The following SUPT7L variants were observed in gnomAD, a reference collection of about 807,000 sequenced individuals.
The protein encoded by SUPT7L is SPT7 like, STAGA complex subunit gamma.
A neutral mutation model predicts 35.7 loss-of-function variants in SUPT7L; 15 were observed. The ratio of observed to expected loss-of-function variants is 0.42; its 90% confidence interval spans 0.28 to 0.65. The LOEUF is 0.65. SUPT7L is among the 30% of genes least tolerant of loss of function. SUPT7L has a pLI of 0.23. For missense variants in SUPT7L, 434 were observed against 522.2 expected (o/e 0.83, Z 1.65); for synonymous variants, 168 against 186.2 (o/e 0.90, Z 0.79).
chr2:27,654,807 T>C (rs6749419), intron 5 of SUPT7L, among the ~76,000 whole-genome samples: 82,621 of 151,950 alleles, frequency 0.54, 23,288 homozygotes, highest in African/African-American at 0.61. Flanking sequence ...ACCTCGTGAT[T>C]CGCCCGCCTC....
the SUPT7L span, among the ~76,000 whole-genome samples, chr2:27,644,522 T>G: frequency 1.3e-5 from 2 of 152,160 alleles, no homozygotes; most frequent in African/African-American, 4.8e-5. Context: ...TATATACCTA[T>G]GTTAAAGAGG....
At chr2:27,643,062 C>T in the SUPT7L span, among the ~76,000 whole-genome samples, 1,387 of 150,902 alleles carry the variant, frequency 9.2e-3, 17 homozygotes, top group African/African-American at 0.032. The surrounding 1 kb of genome is among the most constrained non-coding windows in gnomAD (Gnocchi z 4.0). Flanking sequence ...TTATATACAG[C>T]TCTACCACTT....
intron 3 of SUPT7L, among the ~76,000 whole-genome samples, chr2:27,659,235 G>C (rs1049915295): frequency 1.3e-5 from 2 of 152,168 alleles, no homozygotes; most frequent in Non-Finnish European, 1.5e-5. Context: ...AATGGACCTT[G>C]ATATAATCTG....
In SUPT7L at chr2:27,657,523, T is replaced by C; in HGVS notation, c.566A>G (p.Tyr189Cys). 6.2e-7 allele frequency: 1 copy of C among 1,614,236 alleles called. No homozygotes were observed. Among genetic ancestry groups the C allele is most frequent in the East Asian group, 2.2e-5 (1 of 44,888 alleles). ...LETLTDVAHE[Y>C]CLKFTKLLRF... ...CAGCAACTTGGTAAACTTAAGGCAA[T>C]ACTCATGTGCCACATCAGTTAGGGT... The change falls in exon 4 of 6, where the codon TAT becomes TGT. Residue 189 changes from tyrosine to cysteine, a missense_variant. Around this residue, in one of 3 missense-constraint regions of SUPT7L, gnomAD observed 198 missense variants for 190.8 expected, o/e 1.04. Transcript: ENST00000337768. The surrounding 1 kb of genome is among the most constrained non-coding windows in gnomAD (Gnocchi z 5.2).
chr2:27,653,494 C>T lies in SUPT7L; in HGVS notation c.1236G>A (p.Arg412=). Residue 412 remains arginine, a synonymous_variant, in exon 6 of 6, where the codon AGG becomes AGA. Transcript: ENST00000337768. ...VFNQRCKKRM[R]KI is the part of the protein sequence containing the mutation. Reference sequence around the variant, plus strand: ...TCTCCCTCTTTTCCTTTTATATTTTCCTCATCCTCTTCTTGCAGCGCTGGT... The same window carrying T: ...TCTCCCTCTTTTCCTTTTATATTTTTCTCATCCTCTTCTTGCAGCGCTGGT... 1.2e-5 allele frequency: 20 copies of T among 1,613,748 alleles called. No homozygotes were observed. The highest frequency in any genetic ancestry group is 1.7e-5 in the Non-Finnish European group (20 of 1,179,858).
In SUPT7L at chr2:27,653,298, C is replaced by CT; in HGVS notation, c.*186dup. The CT allele has an allele frequency of 1.3e-6, 1 of 787,316 alleles. No individual in the cohort carries two copies. Among genetic ancestry groups the CT allele is most frequent in the Non-Finnish European group, 2.0e-6 (1 of 512,582 alleles). The allele number at this position is 787,316 out of a possible 1,614,324, so 48.8% of individuals were successfully genotyped here. On this transcript the variant is annotated 3_prime_UTR_variant, in exon 6 of 6. Coordinates refer to ENST00000337768, the MANE Select transcript of SUPT7L (RefSeq NM_014860.3). ...TGAAGGGTGGCTTGGTTGTGGAAAA[C>CT]TATAAAAACTGGATGCAAAAGTAAA...
At chr2:27,645,856 A>G (rs761675638), downstream of SUPT7L, among the ~76,000 whole-genome samples, 1 of 148,718 alleles carries the variant, frequency 6.7e-6, no homozygotes, top group Non-Finnish European at 1.5e-5. Context: ...CAGCCTCCCA[A>G]GTAGCTGGAA....
rs745497834 is a variant in SUPT7L, at chr2:27,651,236, G to C, written c.*2249C>G. On this transcript the variant is annotated 3_prime_UTR_variant, in exon 6 of 6. Transcript: ENST00000337768. ...TCCAACTTAGTGGTTCTCACATTGT[G>C]GACCAGGAGCATCAGCATCATCTGG... is the stretch of plus-strand genomic sequence containing the variant. 1.3e-5 allele frequency: 2 copies of C among 152,222 alleles called. No homozygotes were observed. The highest frequency in any genetic ancestry group is 2.9e-5 in the Non-Finnish European group (2 of 68,066). The allele number at this position is 152,222 out of a possible 1,614,324, so 9.4% of individuals were successfully genotyped here. A position where few individuals can be genotyped will look rare whatever the true frequency, so the allele number is the denominator to read the frequency against.
the SUPT7L span, among the ~76,000 whole-genome samples, chr2:27,645,363 A>T: frequency 6.6e-6 from 1 of 152,116 alleles, no homozygotes; most frequent in Non-Finnish European, 1.5e-5. Context: ...TTATGTTTCA[A>T]TATCTGCTAG....
intron 3 of SUPT7L, among the ~76,000 whole-genome samples, chr2:27,660,509 C>T (rs895447603): frequency 6.6e-6 from 1 of 152,164 alleles, no homozygotes; most frequent in East Asian, 1.9e-4. Context: ...CAGGCATGAA[C>T]CACTGTGCTC....
intron 4 of SUPT7L, among the ~76,000 whole-genome samples, chr2:27,656,659 G>T (rs1674817788): frequency 1.3e-5 from 2 of 151,090 alleles, no homozygotes; most frequent in South Asian, 4.2e-4. Flanking sequence ...TTCAGACAGG[G>T]TCTTGCTCTG....
intron 3 of SUPT7L, among the ~76,000 whole-genome samples, chr2:27,658,139 TC>T (rs1674889783): frequency 6.6e-6 from 1 of 152,214 alleles, no homozygotes; most frequent in African/African-American, 2.4e-5. Context: ...AGTTTAAGAT[TC>T]TTAGATTCTT....
rs146448081 is a variant in SUPT7L, at chr2:27,655,331, C to G, written c.982+34G>C. On this transcript the variant is annotated intron_variant, in intron 5 of 5. Coordinates refer to ENST00000337768, the MANE Select transcript of SUPT7L (RefSeq NM_014860.3). ...AAAAGTACTGAAATTGGCAGATCTCCCAGAATCAAAGTGAGTAAGTTTATT... is the reference window on the plus strand; with the variant it reads ...AAAAGTACTGAAATTGGCAGATCTCGCAGAATCAAAGTGAGTAAGTTTATT... The G allele has an allele frequency of 3.2e-4, 483 of 1,499,946 alleles. No individual in the cohort carries two copies. The African/African-American group carries it at 5.9e-3, about 18-fold the overall frequency. 92.9% of individuals were successfully genotyped at this position (1,499,946 alleles called of 1,614,324 possible).
rs1333940883 is a variant in SUPT7L at position 27,653,813 on chromosome 2, T to C, written c.983-66A>G. 3 of 1,587,492 alleles carry C rather than the reference T, an allele frequency of 1.9e-6. No individual in the cohort carries two copies. The African/African-American group carries it at 4.0e-5, about 21-fold the overall frequency. The stretch of plus-strand genomic sequence containing the variant: ...GTGTAGCCAAGTGTAGAACAAAGAG[T>C]AAATATATCACTCAGAACCAACTAA... On this transcript the variant is annotated intron_variant, in intron 5 of 5. Transcript: ENST00000337768.
Position 27,651,094 on chromosome 2 carries a change from G to T in SUPT7L, c.*2391C>A, listed in dbSNP as rs999471251. 1 of 152,324 alleles carries T rather than the reference G, an allele frequency of 6.6e-6. No homozygotes were observed. The highest frequency in any genetic ancestry group is 2.4e-5 in the African/African-American group (1 of 41,434). The allele number at this position is 152,324 out of a possible 1,614,324, so 9.4% of individuals were successfully genotyped here. A position where few individuals can be genotyped will look rare whatever the true frequency, so the allele number is the denominator to read the frequency against. On this transcript the variant is annotated 3_prime_UTR_variant, in exon 6 of 6. Transcript: ENST00000337768. Reference sequence around the variant, plus strand: ...ATTTTCGCAAAGTCCGTGGATTTGGGTCAGAGGCACATTTCATACATAACA... The same window carrying T: ...ATTTTCGCAAAGTCCGTGGATTTGGTTCAGAGGCACATTTCATACATAACA...
intron 3 of SUPT7L, 121 bp downstream of exon 3, chr2:27,660,863 C>T: frequency 7.5e-7 from 1 of 1,331,922 alleles, no homozygotes; most frequent in Non-Finnish European, 1.0e-6. Context: ...GAAACCTTGG[C>T]CAAGTCAATT....
Position 27,661,066 on chromosome 2 carries a change from CA to C in SUPT7L, c.336del (p.Asp113MetfsTer6). On this transcript the variant is annotated frameshift_variant, in exon 3 of 6. Coordinates refer to ENST00000337768, the MANE Select transcript of SUPT7L (RefSeq NM_014860.3). LOFTEE classifies it high-confidence loss of function. The stretch of plus-strand genomic sequence containing the variant: ...TTACAATCTAAAGGCAGGAGGTCAT[CA>C]GGGAGAGGAGGTGACCCAGGGCACG... The part of the protein sequence containing the change: ...LPSCPGSPPL[P>X]DDLLPLDCKN... 1 of 1,614,126 alleles carries C rather than the reference CA, an allele frequency of 6.2e-7. No individual in the cohort carries two copies. Among genetic ancestry groups the C allele is most frequent in the East Asian group, 2.2e-5 (1 of 44,892 alleles).
the SUPT7L span, among the ~76,000 whole-genome samples, chr2:27,644,422 A>G: frequency 3.3e-5 from 5 of 152,144 alleles, no homozygotes; most frequent in Admixed American, 2.0e-4. Flanking sequence ...TTATTTTGCC[A>G]TGCAAAAGTT....
chr2:27,662,082 T>C (rs1251506090), intron 2 of SUPT7L, 97 bp downstream of exon 2: 6 of 1,568,630 alleles, frequency 3.8e-6, no homozygotes, highest in Non-Finnish European at 5.3e-6. Flanking sequence ...TTACTCTTTT[T>C]AAAACTTAAA....
Sources: gnomAD v4.1 joint callset for allele counts (sites outside exome capture counted in the v4.1 genomes callset) on GRCh38, gnomAD v4.1.1 for gene constraint, gnomAD v4.1.1 regional missense constraint, Gnocchi (gnomAD v3.1) non-coding constraint, MANE v1.5 for transcripts, NCBI Gene and HGNC (gene_info 2026-07-23, HGNC 2026-07-21) for gene names.